Variants in ZMAT4 observed in about 807,000 individuals in gnomAD.
The protein encoded by ZMAT4 is zinc finger matrin-type 4.
Under a neutral mutation model 28.7 loss-of-function variants are expected in ZMAT4, and 17 were observed. The ratio of observed to expected loss-of-function variants is 0.59; its 90% CI spans 0.41 to 0.89. The LOEUF is 0.89. Ranked by LOEUF, ZMAT4 falls within the 40% of genes least tolerant of loss-of-function variation. The pLI, the probability that ZMAT4 is intolerant of heterozygous loss-of-function variation, is 0.00. For missense variants in ZMAT4, 240 were observed against 283.8 expected (o/e 0.85, Z 1.11); for synonymous variants, 117 against 109.2 (o/e 1.07, Z -0.44).
chr8:40,781,961 T>C (rs1260009993), intron 2 of ZMAT4, among the ~76,000 whole-genome samples: 1 of 152,154 alleles, frequency 6.6e-6, no homozygotes, highest in African/African-American at 2.4e-5. Context: ...ATTGTAGGCC[T>C]TGAAGTAACA....
chr8:40,693,322 C>G (rs1394828876), intron 4 of ZMAT4, among the ~76,000 whole-genome samples: 1 of 151,882 alleles, frequency 6.6e-6, no homozygotes, highest in East Asian at 1.9e-4. Flanking sequence ...CACTACATTG[C>G]CCAGGCTGGT....
chr8:40,861,936 A>G (rs371863346), intron 1 of ZMAT4, among the ~76,000 whole-genome samples: 1 of 152,124 alleles, frequency 6.6e-6, no homozygotes, highest in African/African-American at 2.4e-5. Flanking sequence ...GCTGGAGAGG[A>G]TGTGGAGAAA....
At chr8:40,718,761 C>A (rs1380634320) in intron 3 of ZMAT4, among the ~76,000 whole-genome samples, 2 of 152,126 alleles carry the variant, frequency 1.3e-5, no homozygotes, top group African/African-American at 4.8e-5. Flanking sequence ...GCAAACAGCC[C>A]ATCTAAACCA....
intron 3 of ZMAT4, 87 bp downstream of exon 3, chr8:40,767,554 T>C: frequency 9.3e-7 from 1 of 1,076,904 alleles, no homozygotes; most frequent in Non-Finnish European, 1.3e-6. Context: ...TCTATGAATC[T>C]GGACTAGACT....
At chr8:40,743,924 G>T (rs1436151637) in intron 3 of ZMAT4, among the ~76,000 whole-genome samples, 1 of 152,180 alleles carries the variant, frequency 6.6e-6, no homozygotes, top group African/African-American at 2.4e-5. Flanking sequence ...GTGAGGAATG[G>T]GCTTCTCCAG....
At chr8:40,773,029 A>C (rs867250544) in intron 2 of ZMAT4, among the ~76,000 whole-genome samples, 2 of 152,214 alleles carry the variant, frequency 1.3e-5, no homozygotes, top group Non-Finnish European at 2.9e-5. Context: ...TGAGCCCTGG[A>C]AAAGGTGCAG....
At chr8:40,891,528 G>A (rs527685559) in intron 1 of ZMAT4, among the ~76,000 whole-genome samples, 38 of 152,152 alleles carry the variant, frequency 2.5e-4, no homozygotes, top group African/African-American at 7.7e-4. Context: ...TCCCTGCCTG[G>A]CCCACCAGCC....
rs548272091 is a variant in ZMAT4, at chr8:40,767,727, G to A, written c.106C>T (p.Arg36Ter). 10 of 1,611,444 alleles carry A rather than the reference G, an allele frequency of 6.2e-6. No individual in the cohort carries two copies. Among genetic ancestry groups the A allele is most frequent in the South Asian group, 2.2e-5 (2 of 90,454 alleles). Reference sequence around the variant, plus strand: ...AGTCGGACTTTGCTTGCATGTTTTCGACTCTGGGAAGGAAAAGCATAAGCA... The same window carrying A: ...AGTCGGACTTTGCTTGCATGTTTTCAACTCTGGGAAGGAAAAGCATAAGCA... The part of the protein sequence containing the change: ...ESQRVAHYES[R>*]KHASKVRLYY... Residue 36 changes from arginine (R) to a stop codon, truncating the protein, a stop_gained, in exon 3 of 7, where the codon CGA becomes TGA. Transcript: ENST00000297737. LOFTEE classifies it high-confidence loss of function.
chr8:40,604,679 TTTG>T (rs920777495), intron 5 of ZMAT4, among the ~76,000 whole-genome samples: 1 of 152,108 alleles, frequency 6.6e-6, no homozygotes, highest in African/African-American at 2.4e-5. Flanking sequence ...ATCCGTAGTT[TTTG>T]TTGTTGTTGT....
intron 1 of ZMAT4, among the ~76,000 whole-genome samples, chr8:40,896,470 A>G (rs1204415178): frequency 6.6e-6 from 1 of 152,238 alleles, no homozygotes; most frequent in African/African-American, 2.4e-5. Flanking sequence ...CAACTGGTGA[A>G]GTGCGGTGGG....
intron 3 of ZMAT4, among the ~76,000 whole-genome samples, chr8:40,749,122 A>T (rs1311724987): frequency 6.6e-6 from 1 of 152,092 alleles, no homozygotes; most frequent in Admixed American, 6.6e-5. Context: ...GCCATATAGA[A>T]CTGTGAGTCC....
At chr8:40,702,231 G>A (rs970543700) in intron 3 of ZMAT4, among the ~76,000 whole-genome samples, 14 of 152,172 alleles carry the variant, frequency 9.2e-5, no homozygotes, top group Non-Finnish European at 1.6e-4. Flanking sequence ...TGTTACAGTA[G>A]CACAAAAAGA....
chr8:40,608,575 G>C (rs1211987792), intron 5 of ZMAT4, among the ~76,000 whole-genome samples: 1 of 152,090 alleles, frequency 6.6e-6, no homozygotes, highest in African/African-American at 2.4e-5. Flanking sequence ...TGGTATCTTT[G>C]CTCCATCCCC....
In ZMAT4 at chr8:40,752,477, G is replaced by A. The variant is rs528870015; in HGVS notation, c.192+15164C>T. ...TCATGCAACTTCACTCCTGCTCCAC[G>A]TGAAGAACCTGGAATAACCTGGAGA... On this transcript the variant is annotated intron_variant, in intron 3 of 6. Coordinates refer to ENST00000297737, the MANE Select transcript of ZMAT4 (RefSeq NM_024645.3). Among the ~76,000 whole-genome samples the A allele has an allele frequency of 6.6e-5, 10 of 152,252 alleles. No individual in the cohort carries two copies. In the South Asian group the frequency reaches 1.7e-3, roughly 25 times the overall value.
At chr8:40,834,132 G>A (rs963221704) in intron 1 of ZMAT4, among the ~76,000 whole-genome samples, 3 of 152,208 alleles carry the variant, frequency 2.0e-5, no homozygotes, top group African/African-American at 7.2e-5. Context: ...CCACTGCTGG[G>A]CACATGCACC....
At chr8:40,592,342 G>A (rs895466797) in intron 5 of ZMAT4, among the ~76,000 whole-genome samples, 4 of 152,264 alleles carry the variant, frequency 2.6e-5, no homozygotes, top group Admixed American at 2.6e-4. Flanking sequence ...GTTTGACACA[G>A]CCCTAGTTAA....
intron 5 of ZMAT4, among the ~76,000 whole-genome samples, chr8:40,670,870 C>T (rs1419730672): frequency 2.0e-5 from 3 of 151,906 alleles, no homozygotes; most frequent in Non-Finnish European, 4.4e-5. Context: ...AGATCAAGAC[C>T]ATCCTGACCA....
intron 3 of ZMAT4, among the ~76,000 whole-genome samples, chr8:40,747,278 CA>C (rs574153518): frequency 2.4e-4 from 36 of 152,236 alleles, no homozygotes; most frequent in African/African-American, 8.7e-4. Flanking sequence ...AACAATTGAT[CA>C]TTTATTGCAG....
At chr8:40,883,720 C>G (rs1391314942) in intron 1 of ZMAT4, among the ~76,000 whole-genome samples, 2 of 152,194 alleles carry the variant, frequency 1.3e-5, no homozygotes, top group African/African-American at 2.4e-5. Context: ...TCCCCTAACT[C>G]CCCCTGAGCC....
Sources: gnomAD v4.1 joint callset for allele counts (sites outside exome capture counted in the v4.1 genomes callset) on GRCh38, gnomAD v4.1.1 for gene constraint, MANE v1.5 for transcripts, NCBI Gene and HGNC (gene_info 2026-07-23, HGNC 2026-07-21) for gene names.